Variants in GDPGP1 observed in about 807,000 individuals in gnomAD.
The protein encoded by GDPGP1 is GDP-D-glucose phosphorylase 1.
In GDPGP1, 18 loss-of-function variants were observed where a neutral mutation model predicts 19.2. That is an observed-to-expected ratio of 0.94 (90% CI 0.65 to 1.39). The LOEUF is 1.39. Among genes scored for constraint, GDPGP1 ranks in the 40% most tolerant of loss-of-function variants. The pLI is 0.00. For missense variants in GDPGP1, 449 were observed against 490.5 expected, an observed-to-expected ratio of 0.92 and a Z score of 0.80; for synonymous variants, 219 against 208.9, an observed-to-expected ratio of 1.05 and a Z score of -0.42.
At chr15:90,235,515 A>G (rs1398610555) in intron 2 of GDPGP1, among the ~76,000 whole-genome samples, 1 of 152,070 alleles carries the variant, frequency 6.6e-6, no homozygotes, top group Non-Finnish European at 1.5e-5. Context: ...CTCTGTCTCA[A>G]AAAATAAAAA....
At chr15:90,237,283 CT>C (rs35595704) in intron 2 of GDPGP1, among the ~76,000 whole-genome samples, 72 of 113,230 alleles carry the variant, frequency 6.4e-4, no homozygotes, top group Admixed American at 7.5e-4. Context: ...CTTTTTTTCC[CT>C]TTTTTTTTTT....
At chr15:90,238,719 T>A (rs1962686070) in intron 3 of GDPGP1, among the ~76,000 whole-genome samples, 171 bp downstream of exon 3, 1 of 152,214 alleles carries the variant, frequency 6.6e-6, no homozygotes, top group South Asian at 2.1e-4. Flanking sequence ...CTCACCCAAA[T>A]GTTTCTATGC....
At chr15:90,235,340 C>T (rs150584853) in intron 2 of GDPGP1, among the ~76,000 whole-genome samples, 106 of 152,156 alleles carry the variant, frequency 7.0e-4, no homozygotes, top group Admixed American at 1.2e-3. Flanking sequence ...CTGAAGCAGG[C>T]GGATCATTTG....
rs117859177 is a variant in GDPGP1, at chr15:90,244,987, G to A, written c.*2921G>A. 6.6e-6 allele frequency: 1 copy of A among 152,284 alleles called. No individual in the cohort carries two copies. The highest frequency in any genetic ancestry group is 1.5e-5 in the Non-Finnish European group (1 of 68,130). 9.4% of individuals were successfully genotyped at this position (152,284 alleles called of 1,614,324 possible). A position where few individuals can be genotyped will look rare whatever the true frequency, so the allele number is the denominator to read the frequency against. Reference sequence around the variant, plus strand: ...GCTGCTGTCTGAGTGGGCTCACCCAGGAGGGGTTTTGATTTCTCTGCCTCC... The same window carrying A: ...GCTGCTGTCTGAGTGGGCTCACCCAAGAGGGGTTTTGATTTCTCTGCCTCC... On this transcript the variant is annotated 3_prime_UTR_variant, in exon 4 of 4. Transcript: ENST00000329600.
rs143356715 is a variant in GDPGP1, at chr15:90,234,709, C to G, written c.-67+113C>G. 6 of 152,308 alleles carry G rather than the reference C, an allele frequency of 3.9e-5. No homozygotes were observed. In the South Asian group the frequency reaches 6.2e-4, roughly 16 times the overall value. 9.4% of individuals were successfully genotyped at this position (152,308 alleles called of 1,614,324 possible). A position where few individuals can be genotyped will look rare whatever the true frequency, so the allele number is the denominator to read the frequency against. On this transcript the variant is annotated intron_variant, in intron 2 of 3. Coordinates refer to ENST00000329600, the MANE Select transcript of GDPGP1 (RefSeq NM_001013657.3). The stretch of plus-strand genomic sequence containing the variant: ...GTCCAGTCCAAGGCACTTTTAAAGG[C>G]TCTCCACTGCTGTTCTCATCATTCC...
chr15:90,241,352 G>A lies in GDPGP1; in HGVS notation c.444G>A (p.Leu148=). 6.2e-7 allele frequency: 1 copy of A among 1,614,204 alleles called. No homozygotes were observed. Among genetic ancestry groups the A allele is most frequent in the Non-Finnish European group, 8.5e-7 (1 of 1,180,042 alleles). The change falls in exon 4 of 4, where the codon CTG becomes CTA. Residue 148 remains leucine (L), a synonymous_variant. Transcript: ENST00000329600. ...GGGAGCCTGATCTCCCTGGGACTCT[G>A]CTGCAAGAAGACATCCTGGTGGTGA... ...LHREPDLPGT[L]LQEDILVVIN... is the part of the protein sequence containing the mutation.
At position 90,243,659 on chromosome 15, in the gene GDPGP1, T is replaced by TG. The variant is rs1962811925; in HGVS notation, c.*1593_*1594insG. 1 of 114,216 alleles carries TG rather than the reference T, an allele frequency of 8.8e-6. No homozygotes were observed. The highest frequency in any genetic ancestry group is 1.0e-4 in the Admixed American group (1 of 9,740). The allele number at this position is 114,216 out of a possible 1,614,324, so 7.1% of individuals were successfully genotyped here. ...GTGCAGGTTTTTTTTTTTTTTTTTT[T>TG]TTTTTTTTTTTGACACAGGGTCACT... On this transcript the variant is annotated 3_prime_UTR_variant, in exon 4 of 4. Coordinates refer to ENST00000329600, the MANE Select transcript of GDPGP1 (RefSeq NM_001013657.3).
chr15:90,243,000 T>G lies in GDPGP1; in HGVS notation c.*934T>G, dbSNP rs1962797628. 9.6e-6 allele frequency: 1 copy of G among 103,798 alleles called. No individual in the cohort carries two copies. Among genetic ancestry groups the G allele is most frequent in the Non-Finnish European group, 1.8e-5 (1 of 55,796 alleles). 6.4% of individuals were successfully genotyped at this position (103,798 alleles called of 1,614,324 possible). ...AGACATCATGAATGTATCTGCTACC[T>G]CTCCCCGTTCTTGTTCAAGCCCCAG... On this transcript the variant is annotated 3_prime_UTR_variant, in exon 4 of 4. Coordinates refer to ENST00000329600, the MANE Select transcript of GDPGP1 (RefSeq NM_001013657.3).
chr15:90,239,632 C>T (rs530453169), intron 3 of GDPGP1, among the ~76,000 whole-genome samples: 3 of 152,318 alleles, frequency 2.0e-5, no homozygotes, highest in African/African-American at 7.2e-5. Context: ...TTCCACCGGG[C>T]CCCTCCCACA....
intron 3 of GDPGP1, among the ~76,000 whole-genome samples, chr15:90,239,866 A>G (rs181964450): frequency 1.5e-4 from 23 of 152,324 alleles, no homozygotes; most frequent in Admixed American, 1.5e-3. Flanking sequence ...TCAAGGCTTC[A>G]GGGAGACATG....
intron 2 of GDPGP1, among the ~76,000 whole-genome samples, chr15:90,237,283 C>CTTTTTTT (rs35595704): frequency 8.8e-6 from 1 of 113,244 alleles, no homozygotes; most frequent in African/African-American, 3.6e-5. Context: ...CTTTTTTTCC[C>CTTTTTTT]TTTTTTTTTT....
chr15:90,236,999 A>G (rs4932307), intron 2 of GDPGP1, among the ~76,000 whole-genome samples: 51,317 of 151,706 alleles, frequency 0.34, 9,593 homozygotes, highest in East Asian at 0.69. Flanking sequence ...TCACTCTGTC[A>G]CCAGGCTGGA....
intron 2 of GDPGP1, among the ~76,000 whole-genome samples, chr15:90,237,500 G>A (rs1439740509): frequency 6.6e-6 from 1 of 151,878 alleles, no homozygotes; most frequent in African/African-American, 2.4e-5. Context: ...TGGCCAGGAT[G>A]GTCTCGGTAT....
At chr15:90,236,726 C>T (rs1459730564) in intron 2 of GDPGP1, among the ~76,000 whole-genome samples, 1 of 151,250 alleles carries the variant, frequency 6.6e-6, no homozygotes, top group Non-Finnish European at 1.5e-5. Context: ...TTAGTAGAGA[C>T]GGGGTTTCAC....
In GDPGP1 at chr15:90,234,601, G is replaced by A. The variant is rs1962591996; in HGVS notation, c.-67+5G>A. ...TGTTGCAACATCCCTTGCGAGGTAG[G>A]TTCCCATTTTACAAAGATGGAAATA... On this transcript the variant is annotated splice_donor_5th_base_variant and intron_variant, in intron 2 of 3. Coordinates refer to ENST00000329600, the MANE Select transcript of GDPGP1 (RefSeq NM_001013657.3). 6.6e-6 allele frequency: 1 copy of A among 152,096 alleles called. No homozygotes were observed. Among genetic ancestry groups the A allele is most frequent in the Non-Finnish European group, 1.5e-5 (1 of 68,012 alleles). 9.4% of individuals were successfully genotyped at this position (152,096 alleles called of 1,614,324 possible).
At chr15:90,237,148 A>G (rs1962652072) in intron 2 of GDPGP1, among the ~76,000 whole-genome samples, 2 of 151,940 alleles carry the variant, frequency 1.3e-5, no homozygotes, top group Admixed American at 1.3e-4. Flanking sequence ...TTTAGTAGAG[A>G]CAGGGTTTCA....
Position 90,241,394 on chromosome 15 carries a change from G to A in GDPGP1, c.486G>A (p.Leu162=). The part of the protein sequence containing the change: ...DILVVINVSP[L]EWGHVLLVPE... ...TGGTGGTGATCAACGTCAGCCCCCT[G>A]GAGTGGGGCCACGTGCTGCTGGTGC... The change falls in exon 4 of 4, where the codon CTG becomes CTA. Residue 162 remains leucine (L), a synonymous_variant. Transcript: ENST00000329600. The A allele has an allele frequency of 6.2e-7, 1 of 1,613,942 alleles. No homozygotes were observed.
chr15:90,237,838 G>C (rs1962668507), intron 2 of GDPGP1, among the ~76,000 whole-genome samples: 1 of 152,140 alleles, frequency 6.6e-6, no homozygotes, highest in African/African-American at 2.4e-5. Flanking sequence ...TGTGGTCCCA[G>C]CTACTTGGGA....
At chr15:90,235,590 C>G (rs952933338) in intron 2 of GDPGP1, among the ~76,000 whole-genome samples, 15 of 151,854 alleles carry the variant, frequency 9.9e-5, no homozygotes, top group African/African-American at 3.6e-4. Flanking sequence ...TTTTTTGAGA[C>G]AGAGTCTCGC....
Sources: gnomAD v4.1 joint callset for allele counts (sites outside exome capture counted in the v4.1 genomes callset) on GRCh38, gnomAD v4.1.1 for gene constraint, MANE v1.5 for transcripts, NCBI Gene and HGNC (gene_info 2026-07-23, HGNC 2026-07-21) for gene names.